The following FBN3 variants were observed in gnomAD, a reference collection of about 807,000 sequenced individuals.
FBN3 encodes the protein fibrillin-3.
In FBN3, 234 loss-of-function variants were observed where a neutral mutation model predicts 330.1. The observed-to-expected ratio is 0.71, with a 90% CI of 0.64 to 0.79. The LOEUF (loss-of-function observed/expected upper bound fraction) is 0.79. FBN3 is among the 30% of genes least tolerant of loss of function. The pLI is 0.00. For synonymous variants in FBN3, 1,458 were observed against 1,517.3 expected, an observed-to-expected ratio of 0.96 and a Z score of 0.91; for missense variants, 3,606 against 3,886.9, an observed-to-expected ratio of 0.93 and a Z score of 1.92.
At chr19:8,084,069 T>G (rs1339399497) in intron 56 of FBN3, among the ~76,000 whole-genome samples, 2 of 151,874 alleles carry the variant, frequency 1.3e-5, no homozygotes. Flanking sequence ...CCCAAAGTGC[T>G]GGGATTACAG....
Position 8,142,070 on chromosome 19 carries a change from G to C in FBN3, c.609C>G (p.Leu203=). ...CACAGCAAAGTGCCTTGGTGCACACGAGGCCCGTCAGCTGATGCTGGCACC... is the reference window on the plus strand; with the variant it reads ...CACAGCAAAGTGCCTTGGTGCACACCAGGCCCGTCAGCTGATGCTGGCACC... The part of the protein sequence containing the change: ...PEGCQHQLTG[L]VCTKALCCAT... Residue 203 remains leucine, a synonymous_variant, in exon 7 of 64, where the codon CTC becomes CTG. Coordinates refer to ENST00000600128, the MANE Select transcript of FBN3 (RefSeq NM_032447.5). The C allele has an allele frequency of 1.9e-6, 3 of 1,613,974 alleles. No homozygotes were observed. The highest frequency in any genetic ancestry group is 2.5e-6 in the Non-Finnish European group (3 of 1,179,918).
chr19:8,133,455 AT>A lies in FBN3; in HGVS notation c.1592-350del, dbSNP rs568070872. 7.2e-3 allele frequency among the ~76,000 whole-genome samples: 1,063 copies of A among 147,588 alleles called. 10 individuals carry two copies. The highest frequency in any genetic ancestry group is 0.022 in the African/African-American group (876 of 40,644). On this transcript the variant is annotated intron_variant, in intron 13 of 63. Transcript: ENST00000600128. ...TTTAAATATTTTTTAAAAGACAACA[AT>A]TTTTTTTTTTTTGAGACAGAGTCTC...
At chr19:8,132,546 C>T (rs34169675) in intron 14 of FBN3, among the ~76,000 whole-genome samples, 3,790 of 151,996 alleles carry the variant, frequency 0.025, 79 homozygotes, top group South Asian at 0.044. Flanking sequence ...GGCTGGAGTG[C>T]AATGGCGCGA....
chr19:8,077,991 C>T (rs1466084938), intron 59 of FBN3, among the ~76,000 whole-genome samples: 1 of 151,810 alleles, frequency 6.6e-6, no homozygotes, highest in African/African-American at 2.4e-5. Context: ...GCAGGAGGAT[C>T]GCTTGAACCT....
chr19:8,106,754 T>C (rs1179461289), intron 37 of FBN3, among the ~76,000 whole-genome samples: 2 of 151,108 alleles, frequency 1.3e-5, no homozygotes, highest in Non-Finnish European at 3.0e-5. Flanking sequence ...GATGGATGAA[T>C]GGATGAATAG....
intron 13 of FBN3, among the ~76,000 whole-genome samples, chr19:8,133,425 A>G: frequency 6.6e-6 from 1 of 152,268 alleles, no homozygotes; most frequent in Admixed American, 6.5e-5. Flanking sequence ...GTTCATTTTA[A>G]AATGTTTAAA....
At chr19:8,148,680 G>T (rs758009095) in intron 1 of FBN3, 1 of 152,276 alleles carries the variant, frequency 6.6e-6, no homozygotes, top group South Asian at 2.1e-4. Flanking sequence ...AAAGGAACCG[G>T]CCCTAGGTGG....
chr19:8,088,059 C>T lies in FBN3; in HGVS notation c.6496+1G>A. 6.2e-7 allele frequency: 1 copy of T among 1,614,112 alleles called. No homozygotes were observed. Among genetic ancestry groups the T allele is most frequent in the Non-Finnish European group, 8.5e-7 (1 of 1,180,030 alleles). On this transcript the variant is annotated splice_donor_variant, in intron 52 of 63. Coordinates refer to ENST00000600128, the MANE Select transcript of FBN3 (RefSeq NM_032447.5). LOFTEE classifies it high-confidence loss of function. ...CAGGTCCTGGGCAAGCAGAGTTGTA[C>T]CCTCGCAGGTCATCATGAGGCCAGG... is the stretch of plus-strand genomic sequence containing the variant.
chr19:8,088,299 G>A, intron 51 of FBN3, 120 bp from the exon 52 acceptor site: 1 of 1,243,166 alleles, frequency 8.0e-7, no homozygotes. Flanking sequence ...TGCACCTCTA[G>A]TCTGGCTATG....
At chr19:8,091,738 T>G (rs61301669) in intron 47 of FBN3, 148 bp from the exon 48 acceptor site, 1 of 784,928 alleles carries the variant, frequency 1.3e-6, no homozygotes, top group Non-Finnish European at 2.0e-6. Flanking sequence ...AGTATGAGCT[T>G]CAGCACGAGG....
In FBN3 at chr19:8,138,169, G is replaced by A. The variant is rs984781470; in HGVS notation, c.1173C>T (p.Pro391=). 17 of 1,612,118 alleles carry A rather than the reference G, an allele frequency of 1.1e-5. No homozygotes were observed. Among genetic ancestry groups the A allele is most frequent in the Non-Finnish European group, 1.3e-5 (15 of 1,179,388 alleles). ...TATTAGAGTTGCCAGGGCCCAGGCTGGGGATCCCACGCGCATCAGAGCCAT... is the reference window on the plus strand; with the variant it reads ...TATTAGAGTTGCCAGGGCCCAGGCTAGGGATCCCACGCGCATCAGAGCCAT... ...NPHGSDARGI[P]SLGPGNSNIG... Residue 391 remains proline (P), a synonymous_variant, in exon 10 of 64, where the codon CCC becomes CCT. Coordinates refer to ENST00000600128, the MANE Select transcript of FBN3 (RefSeq NM_032447.5).
Position 8,111,079 on chromosome 19 carries a change from C to T in FBN3, c.4189G>A (p.Glu1397Lys), listed in dbSNP as rs1164073157. 1.2e-6 allele frequency: 2 copies of T among 1,613,238 alleles called. No individual in the cohort carries two copies. The highest frequency in any genetic ancestry group is 1.3e-5 in the African/African-American group (1 of 74,940). ...TTACCCTGGCAGGCCCGGTGGTCCTCGGTGGGGTCAAAGCCCATCTCACAT... is the reference window on the plus strand; with the variant it reads ...TTACCCTGGCAGGCCCGGTGGTCCTTGGTGGGGTCAAAGCCCATCTCACAT... ...CECEMGFDPTEDHRACQDVDE... is the reference protein window; with the variant it reads ...CECEMGFDPTKDHRACQDVDE... The change falls in exon 33 of 64, where the codon GAG becomes AAG. Residue 1397 changes from glutamate (E) to lysine (K), a missense_variant. Transcript: ENST00000600128.
chr19:8,145,264 C>T (rs1234204729), intron 5 of FBN3, among the ~76,000 whole-genome samples: 1 of 151,100 alleles, frequency 6.6e-6, no homozygotes, highest in Admixed American at 6.6e-5. Flanking sequence ...ATCCCAGCTA[C>T]TCAGGAGGCT....
chr19:8,115,987 T>A (rs1270646176), intron 29 of FBN3, among the ~76,000 whole-genome samples: 1 of 152,124 alleles, frequency 6.6e-6, no homozygotes, highest in Non-Finnish European at 1.5e-5. Flanking sequence ...TATGCCAATA[T>A]GCACAGTGGG....
intron 26 of FBN3, among the ~76,000 whole-genome samples, 157 bp downstream of exon 26, chr19:8,118,738 TAC>T (rs774064134): frequency 1.2e-4 from 18 of 151,842 alleles, no homozygotes; most frequent in Non-Finnish European, 2.1e-4. Flanking sequence ...CACACACAGA[TAC>T]ACACACACAC....
Position 8,111,535 on chromosome 19 carries a change from C to G in FBN3, c.4084+113G>C, listed in dbSNP as rs376483684. 44 of 1,202,392 alleles carry G rather than the reference C, an allele frequency of 3.7e-5. No homozygotes were observed. In the African/African-American group the frequency reaches 4.3e-4, roughly 12 times the overall value. The allele number at this position is 1,202,392 out of a possible 1,614,324, so 74.5% of individuals were successfully genotyped here. On this transcript the variant is annotated intron_variant, in intron 32 of 63. Coordinates refer to ENST00000600128, the MANE Select transcript of FBN3 (RefSeq NM_032447.5). Reference sequence around the variant, plus strand: ...CACAGCCTCTCCAGCACCCACAGAGCGGCGATTGAGTCAGAAGGAGTCAGG... The same window carrying G: ...CACAGCCTCTCCAGCACCCACAGAGGGGCGATTGAGTCAGAAGGAGTCAGG...
intron 59 of FBN3, 45 bp from the exon 60 acceptor site, chr19:8,075,456 A>G: frequency 6.3e-7 from 1 of 1,583,888 alleles, no homozygotes; most frequent in Non-Finnish European, 8.6e-7. Flanking sequence ...TGGTTAAGGA[A>G]CTCGTGTCAG....
intron 63 of FBN3, among the ~76,000 whole-genome samples, chr19:8,068,721 TAAATAATA>T (rs70947770): frequency 0.41 from 62,063 of 150,926 alleles, 12,856 homozygotes; most frequent in South Asian, 0.57. Context: ...AATAAATAAA[TAAATAATA>T]AATCAATAAA....
Position 8,087,957 on chromosome 19 carries a change from C to G in FBN3, c.6497-10G>C. 6.2e-7 allele frequency: 1 copy of G among 1,614,054 alleles called. No homozygotes were observed. Among genetic ancestry groups the G allele is most frequent in the African/African-American group, 1.3e-5 (1 of 75,010 alleles). On this transcript the variant is annotated splice_polypyrimidine_tract_variant and intron_variant, in intron 52 of 63. Transcript: ENST00000600128. ...GAGCATTCGTCGATGTCTGGGGAGG[C>G]CAGTGGAGGTGCCAGCTGGGTAGGG...
Sources: gnomAD v4.1 joint callset for allele counts (sites outside exome capture counted in the v4.1 genomes callset) on GRCh38, gnomAD v4.1.1 for gene constraint, MANE v1.5 for transcripts, NCBI Gene and HGNC (gene_info 2026-07-23, HGNC 2026-07-21) for gene names.